BZW2: variants seen among roughly 807,000 people sequenced by gnomAD.
BZW2 encodes the protein eIF5-mimic protein 1.
Under a neutral mutation model 53.2 loss-of-function variants are expected in BZW2, and 23 were observed. The ratio of observed to expected loss-of-function variants is 0.43; its 90% CI spans 0.31 to 0.61. The LOEUF is 0.61. Ranked by LOEUF, BZW2 falls within the 20% of genes least tolerant of loss-of-function variation. The probability of loss-of-function intolerance (pLI) is 0.09; values close to 1 mark genes in which losing one functional copy is unlikely to be tolerated. For synonymous variants in BZW2, 227 were observed against 186.4 expected (o/e 1.22, Z -1.77); for missense variants, 409 against 503.1 (o/e 0.81, Z 1.79).
intron 11 of BZW2, among the ~76,000 whole-genome samples, chr7:16,705,621 G>C (rs779637661): frequency 7.7e-4 from 113 of 147,358 alleles, no homozygotes; most frequent in Non-Finnish European, 1.3e-3. Context: ...GGAGGCGGAG[G>C]TTGCAGTGAG....
intron 1 of BZW2, among the ~76,000 whole-genome samples, chr7:16,650,755 T>C (rs1781965629): frequency 6.6e-6 from 1 of 152,344 alleles, no homozygotes; most frequent in Admixed American, 6.5e-5. Context: ...TTTCTGTGTA[T>C]TGAGGCCATG....
chr7:16,654,649 C>T (rs1009297640), intron 1 of BZW2, among the ~76,000 whole-genome samples: 1 of 151,698 alleles, frequency 6.6e-6, no homozygotes, highest in African/African-American at 2.4e-5. Context: ...ATTCTCATGC[C>T]TCAGCCTCCC....
intron 1 of BZW2, among the ~76,000 whole-genome samples, chr7:16,656,679 A>G (rs551488924): frequency 3.9e-5 from 6 of 152,134 alleles, no homozygotes; most frequent in Non-Finnish European, 5.9e-5. Flanking sequence ...TTCTAATTCA[A>G]TGTTTCATTC....
chr7:16,683,727 C>T (rs1297242357), intron 5 of BZW2, among the ~76,000 whole-genome samples: 2 of 152,198 alleles, frequency 1.3e-5, no homozygotes, highest in Non-Finnish European at 2.9e-5. Context: ...CACCCACTAC[C>T]TTTACTTGTT....
intron 6 of BZW2, among the ~76,000 whole-genome samples, chr7:16,688,237 C>G: frequency 6.6e-6 from 1 of 152,160 alleles, no homozygotes; most frequent in African/African-American, 2.4e-5. Context: ...CAGTATCATT[C>G]AGGACTTAAG....
chr7:16,703,179 G>A (rs1332913511), intron 10 of BZW2, among the ~76,000 whole-genome samples: 1 of 152,096 alleles, frequency 6.6e-6, no homozygotes, highest in Non-Finnish European at 1.5e-5. Flanking sequence ...AAAATAACTA[G>A]AAGCTAAGAA....
chr7:16,705,455 G>A (rs1783816930), intron 11 of BZW2, among the ~76,000 whole-genome samples: 1 of 152,122 alleles, frequency 6.6e-6, no homozygotes, highest in Non-Finnish European at 1.5e-5. Flanking sequence ...GGAGGCCAAG[G>A]CGGGCAGATC....
chr7:16,689,983 T>C, intron 7 of BZW2, 77 bp downstream of exon 7: 2 of 1,044,982 alleles, frequency 1.9e-6, no homozygotes, highest in Middle Eastern at 2.4e-4. Flanking sequence ...ATGTAGTATA[T>C]GAGTAAGATC....
rs1391660754 is a variant in BZW2, at chr7:16,706,234, G to T, written c.*146G>T. ...CTTCCCTTGTGCAGAGGGAGAAATGGTTTTGTTTTTGTTTTGTTTTTAAAT... is the reference window on the plus strand; with the variant it reads ...CTTCCCTTGTGCAGAGGGAGAAATGTTTTTGTTTTTGTTTTGTTTTTAAAT... On this transcript the variant is annotated 3_prime_UTR_variant, in exon 12 of 12. Coordinates refer to ENST00000258761, the MANE Select transcript of BZW2 (RefSeq NM_014038.3). 1 of 878,364 alleles carries T rather than the reference G, an allele frequency of 1.1e-6. No homozygotes were observed. The highest frequency in any genetic ancestry group is 1.7e-5 in the African/African-American group (1 of 58,086). 54.4% of individuals were successfully genotyped at this position (878,364 alleles called of 1,614,324 possible).
At chr7:16,693,007 G>C (rs1303790297) in intron 7 of BZW2, among the ~76,000 whole-genome samples, 1 of 152,238 alleles carries the variant, frequency 6.6e-6, no homozygotes. Flanking sequence ...GAGAGCAAAA[G>C]TGTAGATAAG....
intron 3 of BZW2, among the ~76,000 whole-genome samples, chr7:16,681,052 C>T (rs566171489): frequency 2.6e-5 from 4 of 152,048 alleles, no homozygotes; most frequent in African/African-American, 4.8e-5. Context: ...TGCAGTGAGC[C>T]GAGATTGTGC....
chr7:16,689,327 A>ATCTATCAC (rs1054442960), intron 6 of BZW2, among the ~76,000 whole-genome samples: 1 of 152,236 alleles, frequency 6.6e-6, no homozygotes, highest in African/African-American at 2.4e-5. Flanking sequence ...TACTTATTGT[A>ATCTATCAC]TCTATCACTA....
intron 1 of BZW2, among the ~76,000 whole-genome samples, chr7:16,657,197 T>A (rs909041876): frequency 9.9e-5 from 15 of 152,232 alleles, no homozygotes; most frequent in Admixed American, 3.3e-4. Context: ...ATAGAAAGGA[T>A]ATGCATTTAT....
chr7:16,675,467 C>T (rs1245783383), intron 3 of BZW2, among the ~76,000 whole-genome samples: 1 of 152,160 alleles, frequency 6.6e-6, no homozygotes, highest in Non-Finnish European at 1.5e-5. Context: ...CTTAAGCCAG[C>T]CTACCTTGGC....
intron 7 of BZW2, 61 bp from the exon 8 acceptor site, chr7:16,694,773 C>A: frequency 7.5e-7 from 1 of 1,340,546 alleles, no homozygotes. Context: ...AGACTTTTGT[C>A]CTTTATGCTT....
At chr7:16,703,672 T>C (rs1485348925) in intron 10 of BZW2, among the ~76,000 whole-genome samples, 1 of 152,152 alleles carries the variant, frequency 6.6e-6, no homozygotes, top group African/African-American at 2.4e-5. Flanking sequence ...ATTAGAACAT[T>C]GGAACATTAG....
At position 16,652,281 on chromosome 7, in the gene BZW2, A is replaced by G. The variant is rs548467226; in HGVS notation, c.-8+5993A>G. On this transcript the variant is annotated intron_variant, in intron 1 of 11. Transcript: ENST00000258761. Reference sequence around the variant, plus strand: ...AAAAAACACGCACTTAATTATTAAAACGTTAATAAACACAACTGCATCTCG... The same window carrying G: ...AAAAAACACGCACTTAATTATTAAAGCGTTAATAAACACAACTGCATCTCG... 2.0e-5 allele frequency among the ~76,000 whole-genome samples: 3 copies of G among 152,110 alleles called. No individual in the cohort carries two copies. In the South Asian group the frequency reaches 6.2e-4, roughly 32 times the overall value.
chr7:16,668,054 G>A (rs1583712836), intron 2 of BZW2, among the ~76,000 whole-genome samples: 1 of 152,216 alleles, frequency 6.6e-6, no homozygotes, highest in East Asian at 1.9e-4. Context: ...AAGGTATTGT[G>A]GAGCCTAGTA....
At chr7:16,677,840 G>A (rs1157007898) in intron 3 of BZW2, among the ~76,000 whole-genome samples, 1 of 152,048 alleles carries the variant, frequency 6.6e-6, no homozygotes, top group East Asian at 1.9e-4. Flanking sequence ...GTTTGGTGAA[G>A]GGTTTTAAGT....
Sources: gnomAD v4.1 joint callset for allele counts (sites outside exome capture counted in the v4.1 genomes callset) on GRCh38, gnomAD v4.1.1 for gene constraint, MANE v1.5 for transcripts, NCBI Gene and HGNC (gene_info 2026-07-23, HGNC 2026-07-21) for gene names.